The following KCNQ1OT1 variants were observed in gnomAD, a reference collection of about 807,000 sequenced individuals.
KCNQ1OT1 encodes KCNQ1 antisense RNA 2 (non-protein coding).
chr11:2,616,899 TG>T (rs1849074430), exon 1 of KCNQ1OT1: 1 of 398,136 alleles, frequency 2.5e-6, no homozygotes, highest in African/African-American at 2.1e-5. Context: ...AGTTGGTTTA[TG>T]GTATTGTTCA....
rs1003339244 is a variant in KCNQ1OT1, at chr11:2,686,012, G to T, written n.13983C>A. 1.5e-5 allele frequency: 6 copies of T among 398,930 alleles called. No individual in the cohort carries two copies. The South Asian group carries it at 7.6e-4, about 51-fold the overall frequency. The allele number at this position is 398,930 out of a possible 1,614,324, so 24.7% of individuals were successfully genotyped here. On this transcript the variant is annotated non_coding_transcript_exon_variant, in exon 1 of 1. Coordinates refer to ENST00000597346, the Ensembl canonical transcript of KCNQ1OT1. ...GACTCCACACCAAGAAGAGTCAGGG[G>T]GGCTCACTCTAAGCCCCGCCAGCTC...
exon 1 of KCNQ1OT1, chr11:2,662,970 C>T (rs909986238): frequency 5.0e-6 from 2 of 398,588 alleles, no homozygotes; most frequent in Non-Finnish European, 8.8e-6. Flanking sequence ...CCTGCCTTTG[C>T]AGCCAGCCAG....
exon 1 of KCNQ1OT1, chr11:2,609,778 A>G (rs1175613066): frequency 5.0e-6 from 2 of 397,860 alleles, no homozygotes; most frequent in South Asian, 1.3e-4. Flanking sequence ...AGATATTCAT[A>G]TTTAACTTCA....
rs150495886 is a variant in KCNQ1OT1, at chr11:2,657,938, A to G, written n.42057T>C. On this transcript the variant is annotated non_coding_transcript_exon_variant, in exon 1 of 1. Transcript: ENST00000597346. The surrounding 1 kb of genome is among the most constrained non-coding windows in gnomAD (Gnocchi z 4.8). ...ACATCAACATGGTTTATCACTGGTAATATTAACCTTGAGCCACTCGTTTAA... is the reference window on the plus strand; with the variant it reads ...ACATCAACATGGTTTATCACTGGTAGTATTAACCTTGAGCCACTCGTTTAA... 2.5e-6 allele frequency: 1 copy of G among 398,600 alleles called. No individual in the cohort carries two copies. The highest frequency in any genetic ancestry group is 3.6e-5 in the East Asian group (1 of 28,068). 24.7% of individuals were successfully genotyped at this position (398,600 alleles called of 1,614,324 possible).
chr11:2,640,652 T>C (rs1444883040), exon 1 of KCNQ1OT1: 5 of 398,084 alleles, frequency 1.3e-5, no homozygotes, highest in Non-Finnish European at 2.2e-5. Flanking sequence ...CAAGTCAGGG[T>C]ATCCATCACC....
chr11:2,620,123 G>C lies in KCNQ1OT1; in HGVS notation n.79872C>G. ...GGTAACATGCAGTATTTGGTTTTCT[G>C]TTCCTGCATTAATTTGCTTAAGATA... On this transcript the variant is annotated non_coding_transcript_exon_variant, in exon 1 of 1. Coordinates refer to ENST00000597346, the Ensembl canonical transcript of KCNQ1OT1. This position sits in a 1 kb window ranked among gnomAD's most constrained non-coding sequence, Gnocchi z 4.5. 1 of 397,818 alleles carries C rather than the reference G, an allele frequency of 2.5e-6. No homozygotes were observed. Among genetic ancestry groups the C allele is most frequent in the Non-Finnish European group, 4.4e-6 (1 of 225,954 alleles). The allele number at this position is 397,818 out of a possible 1,614,324, so 24.6% of individuals were successfully genotyped here. A position where few individuals can be genotyped will look rare whatever the true frequency, so the allele number is the denominator to read the frequency against.
Position 2,676,245 on chromosome 11 carries a change from A to G in KCNQ1OT1, n.23750T>C. ...ATGCTGATTTATTATGGTGCAGTAC[A>G]TCTGAGAAGCATTTTTATTGCAAAA... On this transcript the variant is annotated non_coding_transcript_exon_variant, in exon 1 of 1. Coordinates refer to ENST00000597346, the Ensembl canonical transcript of KCNQ1OT1. This position sits in a 1 kb window ranked among gnomAD's most constrained non-coding sequence, Gnocchi z 4.2. 7.5e-6 allele frequency: 3 copies of G among 398,664 alleles called. No homozygotes were observed. Among genetic ancestry groups the G allele is most frequent in the Non-Finnish European group, 1.3e-5 (3 of 226,072 alleles). The allele number at this position is 398,664 out of a possible 1,614,324, so 24.7% of individuals were successfully genotyped here.
exon 1 of KCNQ1OT1, chr11:2,618,904 T>C: frequency 2.5e-6 from 1 of 398,324 alleles, no homozygotes; most frequent in Non-Finnish European, 4.4e-6. Context: ...TCTTTTTGGC[T>C]AAATTTATTC....
At chr11:2,688,744 T>G (rs1314318915) in exon 1 of KCNQ1OT1, 1 of 398,826 alleles carries the variant, frequency 2.5e-6, no homozygotes, top group Non-Finnish European at 4.4e-6. Context: ...GAGCTGCTGC[T>G]GGTTACTGTG....
exon 1 of KCNQ1OT1, chr11:2,629,544 C>G: frequency 2.5e-6 from 1 of 398,368 alleles, no homozygotes; most frequent in African/African-American, 2.1e-5. Context: ...CATTCTCTCA[C>G]GTGAGGATAT....
exon 1 of KCNQ1OT1, chr11:2,619,515 C>A (rs1391381500): frequency 2.5e-6 from 1 of 398,388 alleles, no homozygotes; most frequent in Non-Finnish European, 4.4e-6. Flanking sequence ...GAAATTAATT[C>A]CACATAGACA....
chr11:2,693,435 T>C, exon 1 of KCNQ1OT1: 1 of 398,690 alleles, frequency 2.5e-6, no homozygotes, highest in Non-Finnish European at 4.4e-6. Flanking sequence ...TGCCAGGCGC[T>C]GGCCCCCCAT....
chr11:2,671,713 G>T lies in KCNQ1OT1; in HGVS notation n.28282C>A. On this transcript the variant is annotated non_coding_transcript_exon_variant, in exon 1 of 1. Transcript: ENST00000597346. The surrounding 1 kb of genome is among the most constrained non-coding windows in gnomAD (Gnocchi z 4.7). ...CAATAGAGGGTACTTGGGAAGTAGGGTGGTAGGCAAGGCTTTTCAGAGAAC... is the reference window on the plus strand; with the variant it reads ...CAATAGAGGGTACTTGGGAAGTAGGTTGGTAGGCAAGGCTTTTCAGAGAAC... The T allele has an allele frequency of 2.5e-6, 1 of 398,726 alleles. No individual in the cohort carries two copies. The highest frequency in any genetic ancestry group is 4.4e-6 in the Non-Finnish European group (1 of 226,134). 24.7% of individuals were successfully genotyped at this position (398,726 alleles called of 1,614,324 possible).
rs1850220172 is a variant in KCNQ1OT1 at position 2,673,297 on chromosome 11, G to A, written n.26698C>T. On this transcript the variant is annotated non_coding_transcript_exon_variant, in exon 1 of 1. Transcript: ENST00000597346. This position sits in a 1 kb window ranked among gnomAD's most constrained non-coding sequence, Gnocchi z 4.5. ...CCTTCTCCCCTAGAAGAAATCTTGA[G>A]AGAAACAATCCCACAGGCTACCAGG... The A allele has an allele frequency of 7.5e-6, 3 of 398,650 alleles. No individual in the cohort carries two copies. Among genetic ancestry groups the A allele is most frequent in the Admixed American group, 4.4e-5 (1 of 22,720 alleles). The allele number at this position is 398,650 out of a possible 1,614,324, so 24.7% of individuals were successfully genotyped here.
At chr11:2,631,472 T>G in exon 1 of KCNQ1OT1, 1 of 396,900 alleles carries the variant, frequency 2.5e-6, no homozygotes, top group East Asian at 3.6e-5. Context: ...TCTCCTTTTG[T>G]GTATTAATGA....
exon 1 of KCNQ1OT1, chr11:2,618,954 T>G: frequency 2.5e-6 from 1 of 398,388 alleles, no homozygotes; most frequent in East Asian, 3.6e-5. Context: ...TGGGATTGTT[T>G]TCTTGATTTC....
rs920293849 is a variant in KCNQ1OT1 at position 2,658,220 on chromosome 11, G to T, written n.41775C>A. 2 of 398,438 alleles carry T rather than the reference G, an allele frequency of 5.0e-6. No individual in the cohort carries two copies. The highest frequency in any genetic ancestry group is 8.8e-6 in the Non-Finnish European group (2 of 226,046). The allele number at this position is 398,438 out of a possible 1,614,324, so 24.7% of individuals were successfully genotyped here. ...TAACTAATTTCAGCATTCATTCATG[G>T]ATCGTTTTCCTGCAGCAAATATTAC... On this transcript the variant is annotated non_coding_transcript_exon_variant, in exon 1 of 1. Transcript: ENST00000597346. This position sits in a 1 kb window ranked among gnomAD's most constrained non-coding sequence, Gnocchi z 4.9.
In KCNQ1OT1 at chr11:2,612,998, GTTTGT is replaced by G. The variant is rs2133793193; in HGVS notation, n.86992_86996del. 1 of 398,520 alleles carries G rather than the reference GTTTGT, an allele frequency of 2.5e-6. No individual in the cohort carries two copies. Among genetic ancestry groups the G allele is most frequent in the Admixed American group, 4.4e-5 (1 of 22,710 alleles). 24.7% of individuals were successfully genotyped at this position (398,520 alleles called of 1,614,324 possible). The stretch of plus-strand genomic sequence containing the variant: ...GCCACTGGTGTCTTTGCTCAGTTTT[GTTTGT>G]TTTAATTCTTATGTTTGTTTTGTAA... On this transcript the variant is annotated non_coding_transcript_exon_variant, in exon 1 of 1. Coordinates refer to ENST00000597346, the Ensembl canonical transcript of KCNQ1OT1. The surrounding 1 kb of genome is among the most constrained non-coding windows in gnomAD (Gnocchi z 5.5).
chr11:2,680,813 C>T (rs1351751906), exon 1 of KCNQ1OT1: 1 of 393,050 alleles, frequency 2.5e-6, no homozygotes, highest in Non-Finnish European at 4.5e-6. Flanking sequence ...AATGGAACCA[C>T]ATAGCAAATC....
Sources: gnomAD v4.1 joint callset for allele counts on GRCh38, gnomAD v4.1.1 for gene constraint, Gnocchi (gnomAD v3.1) non-coding constraint, MANE v1.5 for transcripts, NCBI Gene and HGNC (gene_info 2026-07-23, HGNC 2026-07-21) for gene names.